Variants in C6 observed in about 807,000 individuals in gnomAD.
C6 encodes the protein complement component C6.
Under a neutral mutation model 112.9 loss-of-function variants are expected in C6, and 101 were observed. That is an observed-to-expected ratio of 0.89 (90% CI 0.76 to 1.06). C6 has a LOEUF of 1.06. C6 is among the 50% of genes least tolerant of loss of function. C6 has a pLI of 0.00. For synonymous variants in C6, 431 were observed against 384.1 expected, an observed-to-expected ratio of 1.12 and a Z score of -1.43; for missense variants, 1,202 against 1,104.6, an observed-to-expected ratio of 1.09 and a Z score of -1.25.
At chr5:41,259,048 G>T (rs1482143510) in intron 1 of C6, among the ~76,000 whole-genome samples, 1 of 152,126 alleles carries the variant, frequency 6.6e-6, no homozygotes, top group East Asian at 1.9e-4. Flanking sequence ...ATGTTTATGG[G>T]TTTTAAGTTC....
chr5:41,177,630 A>G (rs1010715457), intron 7 of C6, among the ~76,000 whole-genome samples: 10 of 152,194 alleles, frequency 6.6e-5, no homozygotes, highest in East Asian at 1.9e-4. Context: ...CCTCTTTGCT[A>G]TAAGTATGGC....
chr5:41,206,983 C>A (rs1158176741), intron 1 of C6, among the ~76,000 whole-genome samples: 4 of 152,108 alleles, frequency 2.6e-5, no homozygotes, highest in African/African-American at 9.7e-5. Flanking sequence ...AGAGAAAGGT[C>A]GGGTTACCCA....
intron 17 of C6, among the ~76,000 whole-genome samples, chr5:41,146,682 A>G (rs1380417931): frequency 1.3e-5 from 2 of 152,190 alleles, no homozygotes; most frequent in Non-Finnish European, 2.9e-5. Flanking sequence ...TATATCTTCT[A>G]TTAAGAAGTG....
intron 1 of C6, among the ~76,000 whole-genome samples, chr5:41,221,637 C>A (rs1012472396): frequency 1.3e-5 from 2 of 151,970 alleles, no homozygotes; most frequent in African/African-American, 4.8e-5. Flanking sequence ...TATGTTTGAT[C>A]CTCATTGTTT....
intron 14 of C6, among the ~76,000 whole-genome samples, chr5:41,154,405 C>T (rs1746704040): frequency 6.6e-6 from 1 of 152,198 alleles, no homozygotes; most frequent in Non-Finnish European, 1.5e-5. Flanking sequence ...TCATGGTCTC[C>T]CACAATAAGT....
chr5:41,206,066 G>A (rs1369276951), intron 1 of C6, among the ~76,000 whole-genome samples: 1 of 152,148 alleles, frequency 6.6e-6, no homozygotes, highest in Non-Finnish European at 1.5e-5. Context: ...CTGCAGTGTG[G>A]GCTGTTCTAC....
chr5:41,159,691 C>T (rs972933207), intron 11 of C6, among the ~76,000 whole-genome samples: 3 of 151,778 alleles, frequency 2.0e-5, no homozygotes, highest in African/African-American at 4.8e-5. Flanking sequence ...TATGAACATA[C>T]TTAGTCCTGT....
intron 1 of C6, among the ~76,000 whole-genome samples, chr5:41,229,240 T>C (rs1467110237): frequency 6.6e-6 from 1 of 152,122 alleles, no homozygotes; most frequent in Non-Finnish European, 1.5e-5. Context: ...GTTTAGTTTT[T>C]CTTTTTCTTG....
At chr5:41,183,989 G>A (rs1749565246) in intron 6 of C6, among the ~76,000 whole-genome samples, 1 of 150,072 alleles carries the variant, frequency 6.7e-6, no homozygotes. Context: ...GGGGGGAAGG[G>A]AGGGAGGGGC....
At chr5:41,238,712 G>A (rs1174614925) in intron 1 of C6, among the ~76,000 whole-genome samples, 1 of 152,164 alleles carries the variant, frequency 6.6e-6, no homozygotes, top group Admixed American at 6.5e-5. Flanking sequence ...CCAGCCTGAT[G>A]TCATTGAAAG....
chr5:41,247,750 C>G (rs1045372497), intron 1 of C6, among the ~76,000 whole-genome samples: 1 of 150,320 alleles, frequency 6.7e-6, no homozygotes, highest in Non-Finnish European at 1.5e-5. Flanking sequence ...TATATCTAAC[C>G]AAGAAAGTGA....
chr5:41,197,054 C>A (rs1750674601), intron 4 of C6, among the ~76,000 whole-genome samples: 1 of 152,090 alleles, frequency 6.6e-6, no homozygotes, highest in South Asian at 2.1e-4. Context: ...TGATTAGCAT[C>A]TCACTACAAT....
chr5:41,208,354 A>G (rs1307270943), intron 1 of C6, among the ~76,000 whole-genome samples: 1 of 152,232 alleles, frequency 6.6e-6, no homozygotes. Context: ...AGCAGAAGGC[A>G]AGAAATAACT....
chr5:41,187,392 G>A lies in C6; in HGVS notation c.588-1184C>T, dbSNP rs116736755. 7.6e-3 allele frequency among the ~76,000 whole-genome samples: 1,161 copies of A among 152,118 alleles called. 8 individuals are homozygous for A. Among genetic ancestry groups the A allele is most frequent in the Middle Eastern group, 0.075 (22 of 292 alleles). On this transcript the variant is annotated intron_variant, in intron 5 of 17. Transcript: ENST00000337836. ...TACCAGAGCTGAAATATTAAGTTTT[G>A]TAACTATCACAAAGATCTGAAAAAA...
chr5:41,181,401 A>G lies in C6; in HGVS notation c.885T>C (p.His295=). The G allele has an allele frequency of 6.2e-7, 1 of 1,613,786 alleles. No homozygotes were observed. The highest frequency in any genetic ancestry group is 8.5e-7 in the Non-Finnish European group (1 of 1,179,818). ...GAATGGCTTGTTTGAAGGCAGAATT[A>G]TGGTTGATATTTTCACTTCTCTTTG... ...YSSKRSENIN[H]NSAFKQAIQA... The change falls in exon 7 of 18, where the codon CAT becomes CAC. Residue 295 remains histidine (H), a synonymous_variant. Transcript: ENST00000337836.
chr5:41,168,329 A>C (rs1010972492), intron 9 of C6, among the ~76,000 whole-genome samples: 5 of 152,192 alleles, frequency 3.3e-5, no homozygotes, highest in Admixed American at 6.6e-5. Context: ...TGGCCTAGTC[A>C]AGAGCAAAGG....
intron 1 of C6, among the ~76,000 whole-genome samples, chr5:41,222,788 C>T (rs1260006015): frequency 6.6e-6 from 1 of 152,050 alleles, no homozygotes; most frequent in Non-Finnish European, 1.5e-5. Flanking sequence ...CCTCTATTTT[C>T]CTTGTCCTTC....
chr5:41,256,568 G>A (rs1428688948), intron 1 of C6, among the ~76,000 whole-genome samples: 2 of 151,794 alleles, frequency 1.3e-5, no homozygotes, highest in East Asian at 3.9e-4. Flanking sequence ...ACTGCTGAGA[G>A]AATTTTGTGG....
intron 5 of C6, among the ~76,000 whole-genome samples, chr5:41,187,701 C>T (rs200563723): frequency 9.1e-6 from 1 of 110,132 alleles, no homozygotes; most frequent in Non-Finnish European, 1.9e-5. Flanking sequence ...CACACACATA[C>T]ACACACACAC....
Sources: allele counts gnomAD v4.1 joint callset (sites outside exome capture counted in the v4.1 genomes callset), GRCh38; gene constraint gnomAD v4.1.1; transcripts MANE v1.5; gene names NCBI Gene and HGNC (gene_info 2026-07-23, HGNC 2026-07-21).